RBFOX1: variants seen among roughly 807,000 people sequenced by gnomAD.
The protein encoded by RBFOX1 is RNA binding fox-1 homolog 1.
Under a neutral mutation model 57.7 loss-of-function variants are expected in RBFOX1, and 8 were observed. The ratio of observed to expected loss-of-function variants is 0.14; its 90% CI spans 0.08 to 0.25. The LOEUF is 0.25. Ranked by LOEUF, RBFOX1 falls within the 10% of genes least tolerant of loss-of-function variation. The pLI is 1.00. For missense variants in RBFOX1, 611 were observed against 548.5 expected, an observed-to-expected ratio of 1.11 and a Z score of -1.14; for synonymous variants, 326 against 222.4, an observed-to-expected ratio of 1.47 and a Z score of -4.15.
At chr16:7,431,435 C>T (rs933179104) in intron 4 of RBFOX1, 31 of 143,736 alleles carry the variant, frequency 2.2e-4, no homozygotes, top group Admixed American at 1.3e-3. Context: ...TAGATGGGTT[C>T]TTACTGTGTT....
intron 1 of RBFOX1, among the ~76,000 whole-genome samples, chr16:5,427,797 A>G (rs571733883): frequency 6.6e-6 from 1 of 152,192 alleles, no homozygotes; most frequent in South Asian, 2.1e-4. Context: ...TAGAGAGTCA[A>G]CCTGCTGGAC....
chr16:6,135,770 T>G (rs1164949615), intron 1 of RBFOX1, among the ~76,000 whole-genome samples: 1 of 147,604 alleles, frequency 6.8e-6, no homozygotes, highest in Admixed American at 6.8e-5. Flanking sequence ...TTCCTGGAGA[T>G]GGCACTCGTT....
chr16:7,420,900 CACATATATAT>C (rs1330035121), intron 4 of RBFOX1, among the ~76,000 whole-genome samples: 4 of 145,934 alleles, frequency 2.7e-5, no homozygotes, highest in Non-Finnish European at 4.5e-5. Flanking sequence ...TATATATACA[CACATATATAT>C]ACATATATAT....
chr16:5,274,063 C>T (rs1180281247), intron 1 of RBFOX1, among the ~76,000 whole-genome samples: 1 of 152,200 alleles, frequency 6.6e-6, no homozygotes, highest in Non-Finnish European at 1.5e-5. Context: ...GACAAGACTG[C>T]AGGTTTTCGC....
At chr16:7,118,377 G>C (rs775818986) in intron 4 of RBFOX1, among the ~76,000 whole-genome samples, 1 of 151,846 alleles carries the variant, frequency 6.6e-6, no homozygotes, top group Non-Finnish European at 1.5e-5. Context: ...GCCATTTGTT[G>C]GCTATTCTCA....
At chr16:6,624,486 C>G (rs1161760808) in intron 2 of RBFOX1, among the ~76,000 whole-genome samples, 1 of 152,146 alleles carries the variant, frequency 6.6e-6, no homozygotes, top group Non-Finnish European at 1.5e-5. Context: ...ACAAGGTAAT[C>G]TACCTAACAG....
At chr16:5,975,804 T>C (rs2060050424) in intron 4 of RBFOX1, among the ~76,000 whole-genome samples, 1 of 152,224 alleles carries the variant, frequency 6.6e-6, no homozygotes, top group Admixed American at 6.5e-5. Context: ...AGATATTGAA[T>C]GGCTAGCGCT....
At chr16:7,306,375 A>G (rs982658677) in intron 4 of RBFOX1, among the ~76,000 whole-genome samples, 1 of 152,198 alleles carries the variant, frequency 6.6e-6, no homozygotes. Flanking sequence ...TGCTCTGGAA[A>G]GGGGAGGCTT....
At chr16:6,039,770 A>G (rs2095416221) in intron 1 of RBFOX1, among the ~76,000 whole-genome samples, 1 of 152,244 alleles carries the variant, frequency 6.6e-6, no homozygotes. Context: ...AATTAATGCA[A>G]AACATACCAA....
chr16:7,166,602 G>T (rs1161327377), intron 4 of RBFOX1, among the ~76,000 whole-genome samples: 1 of 152,126 alleles, frequency 6.6e-6, no homozygotes, highest in Non-Finnish European at 1.5e-5. Flanking sequence ...TGTGTGCCTT[G>T]TTGTTGTCAT....
chr16:7,263,771 C>T (rs2095020296), intron 4 of RBFOX1, among the ~76,000 whole-genome samples: 1 of 151,982 alleles, frequency 6.6e-6, no homozygotes, highest in Non-Finnish European at 1.5e-5. Context: ...TGGCACGTGC[C>T]TGTAATCCCA....
chr16:6,896,864 A>T (rs951765901), intron 3 of RBFOX1, among the ~76,000 whole-genome samples: 3 of 152,174 alleles, frequency 2.0e-5, no homozygotes, highest in African/African-American at 7.2e-5. Flanking sequence ...TCAGTGGAAG[A>T]GTGGTGAGAA....
intron 1 of RBFOX1, among the ~76,000 whole-genome samples, chr16:5,283,388 A>C (rs1421184497): frequency 6.6e-6 from 1 of 152,108 alleles, no homozygotes; most frequent in Non-Finnish European, 1.5e-5. Context: ...AGAATGGTGG[A>C]TTCACTGACA....
At chr16:6,938,264 G>T (rs956631144) in intron 3 of RBFOX1, among the ~76,000 whole-genome samples, 7 of 152,126 alleles carry the variant, frequency 4.6e-5, no homozygotes, top group African/African-American at 1.7e-4. Context: ...ATACAATAAT[G>T]CTGCGCAGAT....
chr16:6,615,588 C>A (rs146507392), intron 2 of RBFOX1, among the ~76,000 whole-genome samples: 1 of 151,946 alleles, frequency 6.6e-6, no homozygotes, highest in African/African-American at 2.4e-5. Context: ...AAAAAATCCT[C>A]TGTCCCAATA....
At chr16:7,327,651 T>C (rs1183011295) in intron 4 of RBFOX1, among the ~76,000 whole-genome samples, 2 of 152,170 alleles carry the variant, frequency 1.3e-5, no homozygotes, top group Admixed American at 6.5e-5. Context: ...AATGGTTGGG[T>C]TGATCCTACA....
At chr16:7,461,789 G>A (rs1451119741) in intron 4 of RBFOX1, among the ~76,000 whole-genome samples, 2 of 149,210 alleles carry the variant, frequency 1.3e-5, no homozygotes, top group African/African-American at 5.0e-5. Context: ...GTTGGCATTA[G>A]AGCTTACAGC....
chr16:5,395,706 C>G (rs1468903005), intron 1 of RBFOX1, among the ~76,000 whole-genome samples: 1 of 152,166 alleles, frequency 6.6e-6, no homozygotes, highest in Non-Finnish European at 1.5e-5. Context: ...AAAAGGGATG[C>G]TCTGTTGCAC....
At chr16:6,712,514 TATC>T (rs2063900585) in intron 3 of RBFOX1, among the ~76,000 whole-genome samples, 1 of 152,198 alleles carries the variant, frequency 6.6e-6, no homozygotes, top group Non-Finnish European at 1.5e-5. Flanking sequence ...TGGATGGTAT[TATC>T]ATCTTTCCAG....
Sources: allele counts gnomAD v4.1 joint callset (sites outside exome capture counted in the v4.1 genomes callset), GRCh38; gene constraint gnomAD v4.1.1; transcripts MANE v1.5; gene names NCBI Gene and HGNC (gene_info 2026-07-23, HGNC 2026-07-21).